CPNE4: variants seen among roughly 807,000 people sequenced by gnomAD.
The protein encoded by CPNE4 is copine 4, also known as copine-4.
In CPNE4, 25 loss-of-function variants were observed where a neutral mutation model predicts 67.9. The observed-to-expected ratio is 0.37, with a 90% CI of 0.27 to 0.51. The LOEUF is 0.51. CPNE4 is among the 20% of genes least tolerant of loss of function. The pLI, the probability that CPNE4 is intolerant of heterozygous loss-of-function variation, is 0.93. For synonymous variants in CPNE4, 242 were observed against 244.9 expected (o/e 0.99, Z 0.11); for missense variants, 464 against 690.8 (o/e 0.67, Z 3.68).
rs1353783698 is a variant in CPNE4, at chr3:131,742,955, GAAT to G, written c.181-19333_181-19331del. ...ACTTAATATTCATCTTAATAAACAA[GAAT>G]AATAATAAATCAGAATAAACTAGAG... is the stretch of plus-strand genomic sequence containing the variant. On this transcript the variant is annotated intron_variant, in intron 2 of 15. Coordinates refer to ENST00000429747, the MANE Select transcript of CPNE4 (RefSeq NM_130808.3). Among the ~76,000 whole-genome samples, 19 of 151,734 alleles carry G rather than the reference GAAT, an allele frequency of 1.3e-4. No individual in the cohort carries two copies. In the East Asian group the frequency reaches 3.3e-3, roughly 26 times the overall value.
intron 1 of CPNE4, among the ~76,000 whole-genome samples, chr3:131,909,936 T>G (rs915262963): frequency 1.3e-5 from 2 of 152,022 alleles, no homozygotes; most frequent in East Asian, 1.9e-4. Flanking sequence ...TTCAGAAATT[T>G]TATGGATCAC....
upstream of CPNE4, chr3:132,037,600 C>A (rs1307214902): frequency 3.3e-6 from 5 of 1,535,892 alleles, no homozygotes; most frequent in Non-Finnish European, 4.4e-6. Flanking sequence ...CTGCTGGGTT[C>A]TACAGCCATG....
At chr3:131,831,915 GAT>G (rs2085387561) in intron 2 of CPNE4, among the ~76,000 whole-genome samples, 1 of 152,152 alleles carries the variant, frequency 6.6e-6, no homozygotes, top group Admixed American at 6.6e-5. Context: ...CGATTTTGCT[GAT>G]ATGAGATATG....
chr3:131,879,140 GA>G (rs1223623670), intron 2 of CPNE4, among the ~76,000 whole-genome samples: 1 of 143,964 alleles, frequency 6.9e-6, no homozygotes, highest in African/African-American at 2.7e-5. Flanking sequence ...GTGCTAGAAA[GA>G]GACATACTCA....
rs577437996 is a variant in CPNE4 at position 131,567,653 on chromosome 3, A to C, written c.928-3304T>G. Among the ~76,000 whole-genome samples the C allele has an allele frequency of 5.9e-5, 9 of 152,124 alleles. No individual in the cohort carries two copies. In the South Asian group the frequency reaches 1.7e-3, roughly 28 times the overall value. On this transcript the variant is annotated intron_variant, in intron 10 of 15. Coordinates refer to ENST00000429747, the MANE Select transcript of CPNE4 (RefSeq NM_130808.3). ...GCTTGGAATAATTTTCTTATGCTTA[A>C]CTAGGGTGGGGCAAAGATGATGGTG...
At chr3:131,561,429 A>T (rs559993285) in intron 11 of CPNE4, among the ~76,000 whole-genome samples, 3 of 152,100 alleles carry the variant, frequency 2.0e-5, no homozygotes, top group African/African-American at 7.2e-5. Flanking sequence ...TCAAAGGCAG[A>T]GGAAATGAGC....
chr3:131,793,576 T>C (rs1195258390), intron 2 of CPNE4, among the ~76,000 whole-genome samples: 1 of 152,244 alleles, frequency 6.6e-6, no homozygotes, highest in South Asian at 2.1e-4. Flanking sequence ...TTCTGATACA[T>C]AGTCACTATC....
intron 1 of CPNE4, chr3:131,985,734 A>G (rs1381182143): frequency 6.6e-6 from 1 of 152,576 alleles, no homozygotes; most frequent in Non-Finnish European, 1.5e-5. Flanking sequence ...ATGCCCATCA[A>G]CTCCAAGGGA....
chr3:131,943,952 A>G (rs967139402), intron 1 of CPNE4, among the ~76,000 whole-genome samples: 8 of 151,994 alleles, frequency 5.3e-5, no homozygotes, highest in African/African-American at 1.9e-4. Context: ...CATACCCCAT[A>G]CCATTGTTCT....
At chr3:131,800,159 TCA>T in intron 2 of CPNE4, among the ~76,000 whole-genome samples, 1 of 152,238 alleles carries the variant, frequency 6.6e-6, no homozygotes, top group South Asian at 2.1e-4. Flanking sequence ...TTTGTAATTC[TCA>T]GTGTTTATTG....
intron 2 of CPNE4, among the ~76,000 whole-genome samples, chr3:131,727,366 G>T (rs2082025035): frequency 6.6e-6 from 1 of 152,042 alleles, no homozygotes; most frequent in Non-Finnish European, 1.5e-5. Flanking sequence ...AGGCCGAGGA[G>T]GGTGGATCAC....
At chr3:131,697,041 T>C (rs150053778) in intron 4 of CPNE4, among the ~76,000 whole-genome samples, 392 of 152,290 alleles carry the variant, frequency 2.6e-3, no homozygotes, top group African/African-American at 8.8e-3. Flanking sequence ...AATAAACTAG[T>C]TTTTATGTCA....
chr3:131,994,684 C>T (rs1344542409), intron 1 of CPNE4, among the ~76,000 whole-genome samples: 2 of 152,252 alleles, frequency 1.3e-5, no homozygotes, highest in Middle Eastern at 3.4e-3. Flanking sequence ...TACATTAAAG[C>T]AAGTAATTAC....
intron 2 of CPNE4, among the ~76,000 whole-genome samples, chr3:131,801,914 A>T (rs546332083): frequency 1.6e-5 from 2 of 128,770 alleles, no homozygotes; most frequent in African/African-American, 5.5e-5. Context: ...GTAGACAGGG[A>T]CACTGCTAGG....
chr3:131,604,348 A>G (rs1227932195), intron 7 of CPNE4, among the ~76,000 whole-genome samples: 3 of 152,162 alleles, frequency 2.0e-5, no homozygotes, highest in Non-Finnish European at 4.4e-5. Flanking sequence ...GCATGATGAG[A>G]CCTGAGTAAA....
intron 7 of CPNE4, among the ~76,000 whole-genome samples, chr3:131,594,115 G>C (rs1938703098): frequency 6.6e-6 from 1 of 152,082 alleles, no homozygotes; most frequent in Non-Finnish European, 1.5e-5. Flanking sequence ...TTACTATTGA[G>C]TATGATGTTA....
chr3:131,666,367 T>C (rs2080261744), intron 7 of CPNE4, among the ~76,000 whole-genome samples: 1 of 151,796 alleles, frequency 6.6e-6, no homozygotes, highest in African/African-American at 2.4e-5. Flanking sequence ...TTAAATACTA[T>C]GGAGAGGAAT....
chr3:131,786,522 T>C (rs749000605), intron 2 of CPNE4, among the ~76,000 whole-genome samples: 10 of 152,160 alleles, frequency 6.6e-5, no homozygotes, highest in Non-Finnish European at 1.5e-4. Context: ...ATCATCCAAA[T>C]AACTCCATGA....
chr3:131,716,092 T>C (rs2081678634), intron 3 of CPNE4, among the ~76,000 whole-genome samples: 1 of 152,210 alleles, frequency 6.6e-6, no homozygotes, highest in Non-Finnish European at 1.5e-5. Flanking sequence ...TCACTTGCTG[T>C]GCTTATACTC....
Sources: allele counts gnomAD v4.1 joint callset (sites outside exome capture counted in the v4.1 genomes callset), GRCh38; gene constraint gnomAD v4.1.1; transcripts MANE v1.5; gene names NCBI Gene and HGNC (gene_info 2026-07-23, HGNC 2026-07-21).